DGKZ: variants seen among roughly 807,000 people sequenced by gnomAD.
DGKZ encodes the protein diacylglycerol kinase zeta.
In DGKZ, 45 loss-of-function variants were observed where a neutral mutation model predicts 142.5. The ratio of observed to expected loss-of-function variants is 0.32; its 90% CI spans 0.25 to 0.40. The LOEUF (loss-of-function observed/expected upper bound fraction) is 0.40, where lower values mean the gene tolerates loss of function less well. Among genes scored for constraint, DGKZ ranks in the 10% least tolerant of loss-of-function variants. The probability of loss-of-function intolerance (pLI) is 1.00; values close to 1 mark genes in which losing one functional copy is unlikely to be tolerated. For synonymous variants in DGKZ, 442 were observed against 527.0 expected (o/e 0.84, Z 2.21); for missense variants, 755 against 1,306.5 (o/e 0.58, Z 6.51).
chr11:46,365,990 G>A, intron 1 of DGKZ: 2 of 985,334 alleles, frequency 2.0e-6, no homozygotes, highest in Middle Eastern at 5.2e-4. Context: ...GTGCAATGGG[G>A]GAGAGCATCA....
At chr11:46,347,112 G>C (rs888292075), upstream of DGKZ, among the ~76,000 whole-genome samples, 2 of 152,198 alleles carry the variant, frequency 1.3e-5, no homozygotes, top group African/African-American at 4.8e-5. The surrounding 1 kb of genome is among the most constrained non-coding windows in gnomAD (Gnocchi z 6.4). Context: ...GAGAGCGGAG[G>C]GGAGGTGGTG....
chr11:46,367,344 C>T lies in DGKZ; in HGVS notation c.215C>T (p.Pro72Leu). ...CACCTGGCCCCCCCTCCGCCCACCC[C>T]TGGGGCCCCGTGCAGCGAGTCAGAG... The change falls in exon 2 of 31, where the codon CCT becomes CTT. Residue 72 changes from proline to leucine, a missense_variant. This residue lies in a region of DGKZ where 81 missense variants were observed against 86.5 expected (regional missense o/e 0.94). Transcript: ENST00000527911. This position sits in a 1 kb window ranked among gnomAD's most constrained non-coding sequence, Gnocchi z 4.1. 6.2e-7 allele frequency: 1 copy of T among 1,613,194 alleles called. No homozygotes were observed. Among genetic ancestry groups the T allele is most frequent in the Non-Finnish European group, 8.5e-7 (1 of 1,180,006 alleles).
exon 25 of DGKZ, chr11:46,377,203 C>A (rs1944650767): frequency 1.3e-6 from 2 of 1,595,972 alleles, no homozygotes; most frequent in African/African-American, 2.7e-5. Flanking sequence ...CCCTGCTCAC[C>A]CACGCCCCGG....
intron 27 of DGKZ, 81 bp from the exon 28 acceptor site, chr11:46,378,910 C>T: frequency 6.7e-7 from 1 of 1,487,462 alleles, no homozygotes; most frequent in Non-Finnish European, 8.9e-7. Context: ...GCTGGTGTAC[C>T]CGGCTGTGGG....
rs370690295 is a variant in DGKZ, at chr11:46,372,510, C to T, written c.1010C>T (p.Ala337Val). The stretch of plus-strand genomic sequence containing the variant: ...CTGAGCCAGGGAGGGCCCAAGGAGG[C>T]GTAAGTACTTGCCAAGGTTTTGTGG... The change falls in exon 11 of 31, where the codon GCG (alanine) becomes GTG (valine). Residue 337 changes from alanine (A) to valine (V), a missense_variant and splice_region_variant. Coordinates refer to ENST00000527911, the Ensembl canonical transcript of DGKZ. The surrounding 1 kb of genome is among the most constrained non-coding windows in gnomAD (Gnocchi z 5.9). 1.1e-5 allele frequency: 18 copies of T among 1,613,896 alleles called. No individual in the cohort carries two copies. The highest frequency in any genetic ancestry group is 5.0e-5 in the Admixed American group (3 of 59,998).
intron 1 of DGKZ, chr11:46,365,724 A>G: frequency 3.0e-6 from 3 of 985,424 alleles, no homozygotes; most frequent in Non-Finnish European, 3.6e-6. Context: ...TCCATGTCCC[A>G]TGAGGGGACA....
chr11:46,357,158 G>T (rs10838599), intron 1 of DGKZ, among the ~76,000 whole-genome samples: 27,232 of 152,108 alleles, frequency 0.18, 3,145 homozygotes, highest in Non-Finnish European at 0.26. Flanking sequence ...CTGAGTCAGG[G>T]ACTCGGATGT....
chr11:46,333,332 G>T, exon 1 of DGKZ: 1 of 1,330,718 alleles, frequency 7.5e-7, no homozygotes, highest in African/African-American at 1.5e-5. Flanking sequence ...GCGGCGGCCG[G>T]GCAGCCGAGG....
intron 1 of DGKZ, among the ~76,000 whole-genome samples, chr11:46,357,485 A>T (rs1942164726): frequency 3.3e-5 from 5 of 152,364 alleles, no homozygotes; most frequent in Admixed American, 2.6e-4. Flanking sequence ...GGCCTGAGCC[A>T]GCTGGAGCCT....
chr11:46,377,203 C>T, exon 25 of DGKZ: 1 of 1,595,972 alleles, frequency 6.3e-7, no homozygotes, highest in Non-Finnish European at 8.5e-7. Context: ...CCCTGCTCAC[C>T]CACGCCCCGG....
chr11:46,357,354 G>A lies in DGKZ; in HGVS notation c.161+9534G>A, dbSNP rs1444377527. ...AAGCCATGGAGAACATGGAGCGGGC[G>A]ATAGCATCCAGCCCAGAAAGGGGCC... On this transcript the variant is annotated intron_variant, in intron 1 of 30. Coordinates refer to ENST00000527911, the Ensembl canonical transcript of DGKZ. 4.6e-5 allele frequency among the ~76,000 whole-genome samples: 7 copies of A among 152,264 alleles called. No homozygotes were observed. In the South Asian group the frequency reaches 6.2e-4, roughly 14 times the overall value.
exon 5 of DGKZ, chr11:46,369,547 C>A (rs35267642): frequency 5.0e-6 from 8 of 1,612,570 alleles, no homozygotes; most frequent in Non-Finnish European, 6.8e-6. Flanking sequence ...GGAATGTCCG[C>A]GAGGTAAGTG....
intron 25 of DGKZ, chr11:46,377,709 C>T: frequency 4.5e-6 from 1 of 222,282 alleles, no homozygotes; most frequent in South Asian, 6.9e-5. Context: ...TCCCAGCCCC[C>T]TCCCTGAGTT....
intron 14 of DGKZ, 151 bp from the exon 15 acceptor site, chr11:46,374,006 A>G (rs142263543): frequency 2.6e-6 from 2 of 762,292 alleles, no homozygotes; most frequent in Non-Finnish European, 4.3e-6. Flanking sequence ...TGTGCCTGAC[A>G]GCGGGTGAGC....
At chr11:46,376,437 C>T in intron 23 of DGKZ, 40 bp downstream of exon 23, 4 of 1,613,994 alleles carry the variant, frequency 2.5e-6, no homozygotes, top group Non-Finnish European at 3.4e-6. Flanking sequence ...TTCGTGTTCC[C>T]TCCCTAGGGG....
At chr11:46,377,995 G>A in intron 25 of DGKZ, 2 of 640,904 alleles carry the variant, frequency 3.1e-6, no homozygotes, top group Non-Finnish European at 5.5e-6. Flanking sequence ...TTGTATCCCT[G>A]AACTAGAATG....
chr11:46,353,533 A>C (rs538834977), intron 1 of DGKZ, among the ~76,000 whole-genome samples: 2 of 152,212 alleles, frequency 1.3e-5, no homozygotes, highest in Non-Finnish European at 2.9e-5. Context: ...TGAGCCCGTC[A>C]TCATGTGGCG....
rs1944114204 is a variant in DGKZ, at chr11:46,372,921, C to T, written c.1185+37C>T. On this transcript the variant is annotated intron_variant, in intron 13 of 30. Transcript: ENST00000527911. The surrounding 1 kb of genome is among the most constrained non-coding windows in gnomAD (Gnocchi z 5.9). ...TAGGAGGGGGGTGCAGCTGGGGCCT[C>T]TCCAGCCACAGAGGGCTCAGTCCCT... The T allele has an allele frequency of 1.9e-6, 3 of 1,556,164 alleles. No homozygotes were observed. The African/African-American group carries it at 4.1e-5, about 21-fold the overall frequency.
Position 46,362,536 on chromosome 11 carries a change from C to G in DGKZ, c.162-4755C>G, listed in dbSNP as rs550511008. Among the ~76,000 whole-genome samples, 6 of 152,192 alleles carry G rather than the reference C, an allele frequency of 3.9e-5. No homozygotes were observed. The South Asian group carries it at 1.2e-3, about 32-fold the overall frequency. Reference sequence around the variant, plus strand: ...GGCCCTGCCAGGCCCTGCTGTCTGCCAGGTATCACCAGGCACTCTCTCTCT... The same window carrying G: ...GGCCCTGCCAGGCCCTGCTGTCTGCGAGGTATCACCAGGCACTCTCTCTCT... On this transcript the variant is annotated intron_variant, in intron 1 of 30. Transcript: ENST00000527911.
Sources: gnomAD v4.1 joint callset for allele counts (sites outside exome capture counted in the v4.1 genomes callset) on GRCh38, gnomAD v4.1.1 for gene constraint, gnomAD v4.1.1 regional missense constraint, Gnocchi (gnomAD v3.1) non-coding constraint, MANE v1.5 for transcripts, NCBI Gene and HGNC (gene_info 2026-07-23, HGNC 2026-07-21) for gene names.